The following SENP5 variants were observed in gnomAD, a reference collection of about 807,000 sequenced individuals.
The protein encoded by SENP5 is SUMO specific peptidase 5.
A neutral mutation model predicts 74.2 loss-of-function variants in SENP5; 21 were observed. The observed-to-expected ratio is 0.28, with a 90% CI of 0.20 to 0.41. The LOEUF is 0.41. Among genes scored for constraint, SENP5 ranks in the 10% least tolerant of loss-of-function variants. The pLI is 1.00. For synonymous variants in SENP5, 311 were observed against 312.7 expected, an observed-to-expected ratio of 0.99 and a Z score of 0.06; for missense variants, 717 against 889.1, an observed-to-expected ratio of 0.81 and a Z score of 2.46.
At chr3:196,895,867 A>G (rs926732193) in intron 2 of SENP5, among the ~76,000 whole-genome samples, 1 of 152,124 alleles carries the variant, frequency 6.6e-6, no homozygotes, top group African/African-American at 2.4e-5. Flanking sequence ...TGTTTTTTAT[A>G]TTACTACCTT....
intron 6 of SENP5, among the ~76,000 whole-genome samples, chr3:196,910,149 A>C (rs1715061552): frequency 6.6e-6 from 1 of 152,022 alleles, no homozygotes; most frequent in Admixed American, 6.6e-5. Flanking sequence ...CCCCATTCAC[A>C]ATTGCTACAA....
intron 2 of SENP5, among the ~76,000 whole-genome samples, chr3:196,888,174 AAC>A (rs1209292350): frequency 7.2e-5 from 11 of 152,208 alleles, no homozygotes; most frequent in African/African-American, 2.7e-4. Flanking sequence ...AACTGGTGTA[AAC>A]ATTTCTTTGG....
At chr3:196,878,887 C>G (rs564130103) in intron 1 of SENP5, among the ~76,000 whole-genome samples, 2 of 152,148 alleles carry the variant, frequency 1.3e-5, no homozygotes, top group Non-Finnish European at 2.9e-5. Context: ...CCACCATGCC[C>G]GGCCTAAATT....
At chr3:196,927,961 A>G (rs1021373018) in intron 8 of SENP5, 82 bp downstream of exon 8, 30 of 832,364 alleles carry the variant, frequency 3.6e-5, no homozygotes, top group Non-Finnish European at 5.9e-5. Flanking sequence ...GAGCATTTGA[A>G]GACTAGTGAC....
intron 5 of SENP5, among the ~76,000 whole-genome samples, chr3:196,902,185 T>C (rs1714728282): frequency 6.6e-6 from 1 of 152,266 alleles, no homozygotes; most frequent in Admixed American, 6.5e-5. Context: ...GGCACAGTCA[T>C]AGCTCACTGT....
At chr3:196,881,619 TTA>T (rs1713728082) in intron 1 of SENP5, among the ~76,000 whole-genome samples, 1 of 152,180 alleles carries the variant, frequency 6.6e-6, no homozygotes, top group Non-Finnish European at 1.5e-5. Flanking sequence ...TTTTTTTCAG[TTA>T]TCTCTTAATT....
At chr3:196,893,058 A>G (rs1714281289) in intron 2 of SENP5, among the ~76,000 whole-genome samples, 2 of 152,174 alleles carry the variant, frequency 1.3e-5, no homozygotes, top group African/African-American at 4.8e-5. Context: ...ACACTCAGAA[A>G]TGGAATTGCT....
chr3:196,876,637 C>T (rs1713485159), intron 1 of SENP5, among the ~76,000 whole-genome samples: 1 of 150,926 alleles, frequency 6.6e-6, no homozygotes, highest in Non-Finnish European at 1.5e-5. Context: ...TGTCTATAAT[C>T]TCAGCTCTTT....
Position 196,932,279 on chromosome 3 carries a change from C to G in SENP5, c.*1356C>G, listed in dbSNP as rs1716064723. ...ATGTATGTATGAGAAACTCAGAAGT[C>G]TGAATAGAAAAACAAAGTAAATGGC... On this transcript the variant is annotated 3_prime_UTR_variant, in exon 10 of 10. Transcript: ENST00000323460. 6.5e-6 allele frequency: 1 copy of G among 153,878 alleles called. No individual in the cohort carries two copies. Among genetic ancestry groups the G allele is most frequent in the African/African-American group, 2.4e-5 (1 of 41,444 alleles). The allele number at this position is 153,878 out of a possible 1,614,324, so 9.5% of individuals were successfully genotyped here.
intron 6 of SENP5, among the ~76,000 whole-genome samples, chr3:196,909,803 G>A (rs4916449): frequency 0.67 from 101,962 of 151,828 alleles, 35,154 homozygotes; most frequent in Non-Finnish European, 0.75. Flanking sequence ...GCCAATATCA[G>A]TGGGCAAAAG....
intron 6 of SENP5, among the ~76,000 whole-genome samples, chr3:196,909,303 A>G (rs1234349099): frequency 1.3e-5 from 2 of 152,226 alleles, no homozygotes; most frequent in Non-Finnish European, 2.9e-5. Flanking sequence ...CCAGGACCAG[A>G]TGGATTCACA....
intron 1 of SENP5, among the ~76,000 whole-genome samples, chr3:196,874,552 AT>A (rs1335936831): frequency 3.3e-5 from 5 of 151,500 alleles, no homozygotes; most frequent in Non-Finnish European, 7.4e-5. Flanking sequence ...CTCCCTGGTC[AT>A]TTTTTTTCAC....
chr3:196,929,422 A>G, intron 8 of SENP5: 1 of 487,248 alleles, frequency 2.1e-6, no homozygotes, highest in African/African-American at 2.0e-5. Flanking sequence ...TAGGTAAAAC[A>G]TTGTCCTATA....
chr3:196,918,971 ATGTG>A (rs1242160467), intron 6 of SENP5, among the ~76,000 whole-genome samples: 1 of 54,926 alleles, frequency 1.8e-5, no homozygotes, highest in Non-Finnish European at 4.7e-5. Flanking sequence ...AAAATTATGT[ATGTG>A]TGTATCTATC....
chr3:196,874,129 GA>G (rs1467450430), intron 1 of SENP5, among the ~76,000 whole-genome samples: 1 of 145,986 alleles, frequency 6.8e-6, no homozygotes, highest in Non-Finnish European at 1.5e-5. Flanking sequence ...ATGGCTGACA[GA>G]ATGAGACCTT....
At chr3:196,929,367 T>C (rs1715939803) in intron 8 of SENP5, 1 of 348,574 alleles carries the variant, frequency 2.9e-6, no homozygotes, top group African/African-American at 2.2e-5. Context: ...TCCAAATGCA[T>C]GTTTTAAAAC....
At position 196,932,813 on chromosome 3, in the gene SENP5, T is replaced by C. The variant is rs1716085609; in HGVS notation, c.*1890T>C. On this transcript the variant is annotated 3_prime_UTR_variant, in exon 10 of 10. Transcript: ENST00000323460. ...ACTGGGCTGTCAGTTCAAAATGTCT[T>C]GTACTTCAGAGTGAGGAAGTGTTTC... 1 of 147,328 alleles carries C rather than the reference T, an allele frequency of 6.8e-6. No individual in the cohort carries two copies. Among genetic ancestry groups the C allele is most frequent in the South Asian group, 2.2e-4 (1 of 4,596 alleles). 9.1% of individuals were successfully genotyped at this position (147,328 alleles called of 1,614,324 possible).
chr3:196,884,654 A>C (rs1002382806), intron 1 of SENP5, among the ~76,000 whole-genome samples: 1 of 151,020 alleles, frequency 6.6e-6, no homozygotes, highest in African/African-American at 2.5e-5. Flanking sequence ...CACTGAGGTT[A>C]CAGAAATCAG....
intron 6 of SENP5, among the ~76,000 whole-genome samples, chr3:196,906,869 G>A (rs1714924018): frequency 6.6e-6 from 1 of 152,172 alleles, no homozygotes; most frequent in African/African-American, 2.4e-5. Context: ...GGGTATGGGA[G>A]CAAAGTTGAT....
Sources: allele counts gnomAD v4.1 joint callset (sites outside exome capture counted in the v4.1 genomes callset), GRCh38; gene constraint gnomAD v4.1.1; transcripts MANE v1.5; gene names NCBI Gene and HGNC (gene_info 2026-07-23, HGNC 2026-07-21).